Variants in EXOC6B observed in about 807,000 individuals in gnomAD.
EXOC6B encodes exocyst complex component 6B.
A neutral mutation model predicts 113.5 loss-of-function variants in EXOC6B; 54 were observed. The observed-to-expected ratio is 0.48, with a 90% CI of 0.38 to 0.60. EXOC6B has a LOEUF of 0.60. EXOC6B is among the 20% of genes least tolerant of loss of function. EXOC6B has a pLI of 0.00. For synonymous variants in EXOC6B, 357 were observed against 339.0 expected, an observed-to-expected ratio of 1.05 and a Z score of -0.58; for missense variants, 797 against 977.5, an observed-to-expected ratio of 0.82 and a Z score of 2.46.
At chr2:72,766,370 C>T (rs548342625) in intron 1 of EXOC6B, among the ~76,000 whole-genome samples, 1 of 152,038 alleles carries the variant, frequency 6.6e-6, no homozygotes, top group Non-Finnish European at 1.5e-5. Context: ...TCTATTCAGT[C>T]CAAAATTACC....
At chr2:72,640,087 G>A (rs1673119265) in intron 6 of EXOC6B, among the ~76,000 whole-genome samples, 2 of 152,156 alleles carry the variant, frequency 1.3e-5, no homozygotes, top group African/African-American at 4.8e-5. Flanking sequence ...ACAGGAGTAT[G>A]TTGAAATTCA....
chr2:72,317,248 A>C (rs1227346774), intron 20 of EXOC6B, among the ~76,000 whole-genome samples: 1 of 152,044 alleles, frequency 6.6e-6, no homozygotes, highest in African/African-American at 2.4e-5. Context: ...GAGAAGTAAG[A>C]AAAAATAGAG....
At chr2:72,224,895 T>C (rs868593734) in intron 20 of EXOC6B, among the ~76,000 whole-genome samples, 13 of 151,386 alleles carry the variant, frequency 8.6e-5, no homozygotes, top group African/African-American at 2.9e-4. Flanking sequence ...TACATCTATG[T>C]GTGTATATAT....
At chr2:72,714,510 G>A (rs1382928924) in intron 6 of EXOC6B, among the ~76,000 whole-genome samples, 1 of 152,154 alleles carries the variant, frequency 6.6e-6, no homozygotes, top group Non-Finnish European at 1.5e-5. Flanking sequence ...AAAAGTATTA[G>A]CTCATTTGCA....
chr2:72,817,177 A>G (rs925840104), intron 1 of EXOC6B, among the ~76,000 whole-genome samples: 2 of 152,202 alleles, frequency 1.3e-5, no homozygotes, highest in African/African-American at 4.8e-5. Flanking sequence ...CACTCAGATC[A>G]TAATGCTTTC....
chr2:72,429,574 A>G (rs1243912820), intron 18 of EXOC6B, among the ~76,000 whole-genome samples: 1 of 152,196 alleles, frequency 6.6e-6, no homozygotes, highest in African/African-American at 2.4e-5. Flanking sequence ...GGTAGCAATT[A>G]TTTACTATCT....
At chr2:72,484,037 C>A (rs1699269215) in intron 16 of EXOC6B, among the ~76,000 whole-genome samples, 1 of 152,112 alleles carries the variant, frequency 6.6e-6, no homozygotes, top group Admixed American at 6.6e-5. Flanking sequence ...ACACAAGTCA[C>A]TTAAGTGAAA....
chr2:72,726,716 A>G (rs1194225637), intron 5 of EXOC6B, among the ~76,000 whole-genome samples: 3 of 152,168 alleles, frequency 2.0e-5, no homozygotes, highest in Non-Finnish European at 4.4e-5. Flanking sequence ...GAATATCATT[A>G]TAAGAATCTT....
chr2:72,687,115 G>C (rs923682085), intron 6 of EXOC6B, among the ~76,000 whole-genome samples: 1 of 150,700 alleles, frequency 6.6e-6, no homozygotes, highest in Non-Finnish European at 1.5e-5. Context: ...TCCAGCCTGG[G>C]TGACAGAGCC....
At position 72,441,396 on chromosome 2, in the gene EXOC6B, G is replaced by C. The variant is rs550899563; in HGVS notation, c.1980+23764C>G. 3.2e-4 allele frequency among the ~76,000 whole-genome samples: 48 copies of C among 151,202 alleles called. No individual in the cohort carries two copies. In the South Asian group the frequency reaches 7.4e-3, roughly 23 times the overall value. ...AGAAGACAAGGAAAAAACAAAATCA[G>C]AGCTGAACTGAAAGAGATAGAGAAC... On this transcript the variant is annotated intron_variant, in intron 18 of 21. Transcript: ENST00000272427.
chr2:72,233,973 G>A (rs1681795177), intron 20 of EXOC6B, among the ~76,000 whole-genome samples: 1 of 151,996 alleles, frequency 6.6e-6, no homozygotes, highest in Admixed American at 6.5e-5. Flanking sequence ...GGATGGTAAG[G>A]CGTGTGCCCC....
intron 18 of EXOC6B, among the ~76,000 whole-genome samples, chr2:72,402,614 A>G (rs963750695): frequency 3.9e-5 from 6 of 152,176 alleles, no homozygotes; most frequent in African/African-American, 1.4e-4. Context: ...ATTTTGCCAG[A>G]CATAGAATTC....
chr2:72,670,540 A>T (rs1487128141), intron 6 of EXOC6B, among the ~76,000 whole-genome samples: 1 of 152,166 alleles, frequency 6.6e-6, no homozygotes, highest in Admixed American at 6.5e-5. Flanking sequence ...CCTAAAAGAT[A>T]AGTTTGATCA....
chr2:72,489,963 C>T (rs1699653858), intron 16 of EXOC6B, among the ~76,000 whole-genome samples: 1 of 151,942 alleles, frequency 6.6e-6, no homozygotes, highest in Non-Finnish European at 1.5e-5. Flanking sequence ...CAAAACAGAG[C>T]AAACACTGTG....
chr2:72,525,542 T>G (rs1033936280), intron 8 of EXOC6B, among the ~76,000 whole-genome samples: 1 of 151,848 alleles, frequency 6.6e-6, no homozygotes, highest in Non-Finnish European at 1.5e-5. Flanking sequence ...GTTAATTCAT[T>G]AGAAAAAAAA....
intron 6 of EXOC6B, among the ~76,000 whole-genome samples, chr2:72,649,129 G>C (rs1484217898): frequency 6.6e-6 from 1 of 152,110 alleles, no homozygotes; most frequent in Non-Finnish European, 1.5e-5. Context: ...GACAGGGAGA[G>C]ACCCTGTCTC....
At chr2:72,285,529 G>C (rs1458065710) in intron 20 of EXOC6B, among the ~76,000 whole-genome samples, 1 of 151,890 alleles carries the variant, frequency 6.6e-6, no homozygotes, top group Non-Finnish European at 1.5e-5. Flanking sequence ...AAACTATAAA[G>C]CTCATAGAAG....
chr2:72,686,458 G>A (rs1407214485), intron 6 of EXOC6B, among the ~76,000 whole-genome samples: 1 of 152,160 alleles, frequency 6.6e-6, no homozygotes, highest in Non-Finnish European at 1.5e-5. Context: ...ATCTTAGAAT[G>A]TACAATTATT....
At chr2:72,552,896 T>C (rs1170803441) in intron 8 of EXOC6B, among the ~76,000 whole-genome samples, 1 of 151,962 alleles carries the variant, frequency 6.6e-6, no homozygotes, top group African/African-American at 2.4e-5. Context: ...CAAAAAGCTA[T>C]ATAATGATTA....
Sources: gnomAD v4.1 joint callset for allele counts (sites outside exome capture counted in the v4.1 genomes callset) on GRCh38, gnomAD v4.1.1 for gene constraint, MANE v1.5 for transcripts, NCBI Gene and HGNC (gene_info 2026-07-23, HGNC 2026-07-21) for gene names.